SEMA3D: variants seen among roughly 807,000 people sequenced by gnomAD.
SEMA3D encodes the protein semaphorin-3D.
A neutral mutation model predicts 100.1 loss-of-function variants in SEMA3D; 84 were observed. That is an observed-to-expected ratio of 0.84 (90% CI 0.70 to 1.01). The LOEUF is 1.01. Ranked by LOEUF, SEMA3D falls within the 50% of genes least tolerant of loss-of-function variation. The probability of loss-of-function intolerance (pLI) is 0.00; values close to 1 mark genes in which losing one functional copy is unlikely to be tolerated. For synonymous variants in SEMA3D, 312 were observed against 320.7 expected (o/e 0.97, Z 0.29); for missense variants, 875 against 934.1 (o/e 0.94, Z 0.82).
At chr7:85,093,078 G>A (rs1788444331) in intron 4 of SEMA3D, among the ~76,000 whole-genome samples, 1 of 151,748 alleles carries the variant, frequency 6.6e-6, no homozygotes, top group African/African-American at 2.4e-5. Context: ...ACCTCTTTTT[G>A]TTTGGCTGAG....
chr7:85,106,375 C>T (rs1788922366), intron 3 of SEMA3D, among the ~76,000 whole-genome samples: 1 of 151,992 alleles, frequency 6.6e-6, no homozygotes, highest in African/African-American at 2.4e-5. Context: ...CTTAATACAA[C>T]ATCTATTATT....
chr7:85,078,533 A>G (rs1787955080), intron 5 of SEMA3D, among the ~76,000 whole-genome samples: 1 of 152,164 alleles, frequency 6.6e-6, no homozygotes, highest in African/African-American at 2.4e-5. Flanking sequence ...ACCCACAATT[A>G]TATAGTCAGA....
At chr7:85,039,882 A>T (rs1037863710) in intron 11 of SEMA3D, among the ~76,000 whole-genome samples, 1 of 151,894 alleles carries the variant, frequency 6.6e-6, no homozygotes, top group Non-Finnish European at 1.5e-5. Context: ...AATGAACTTA[A>T]CCATTTATCC....
At chr7:85,054,706 G>C (rs1036140852) in intron 9 of SEMA3D, among the ~76,000 whole-genome samples, 1 of 152,062 alleles carries the variant, frequency 6.6e-6, no homozygotes, top group Non-Finnish European at 1.5e-5. Flanking sequence ...AAAGAAAAAC[G>C]TGATAGGTTC....
chr7:85,079,767 T>A (rs893836989), intron 5 of SEMA3D, among the ~76,000 whole-genome samples: 1 of 152,214 alleles, frequency 6.6e-6, no homozygotes, highest in African/African-American at 2.4e-5. Flanking sequence ...TACTCAATAC[T>A]GGTGAAACAC....
intron 1 of SEMA3D, among the ~76,000 whole-genome samples, chr7:85,170,319 G>GA (rs1362874461): frequency 6.6e-6 from 1 of 151,716 alleles, no homozygotes; most frequent in African/African-American, 2.4e-5. Flanking sequence ...CCTTTAGCAG[G>GA]AAAAAAGATC....
intron 3 of SEMA3D, among the ~76,000 whole-genome samples, chr7:85,105,373 C>T (rs944509799): frequency 6.6e-6 from 1 of 151,976 alleles, no homozygotes; most frequent in Non-Finnish European, 1.5e-5. Flanking sequence ...AAAATTAGCT[C>T]ATCTTAACTT....
At chr7:85,020,134 C>A in intron 14 of SEMA3D, 99 bp downstream of exon 14, 1 of 752,266 alleles carries the variant, frequency 1.3e-6, no homozygotes, top group Non-Finnish European at 2.2e-6. Flanking sequence ...TCAAAGGCTT[C>A]TTCAGGTAAC....
intron 2 of SEMA3D, among the ~76,000 whole-genome samples, chr7:85,133,502 C>T (rs908700646): frequency 3.9e-5 from 6 of 151,982 alleles, no homozygotes; most frequent in African/African-American, 1.4e-4. Context: ...ACTAGCGCAA[C>T]GTTCTGAATT....
chr7:85,186,009 C>T (rs1359399148), intron 1 of SEMA3D, among the ~76,000 whole-genome samples: 4 of 152,188 alleles, frequency 2.6e-5, no homozygotes, highest in Non-Finnish European at 5.9e-5. Flanking sequence ...CTCCAACTTT[C>T]CCTCTAAATC....
At chr7:85,028,013 C>T (rs1790438364) in intron 12 of SEMA3D, 1 of 575,858 alleles carries the variant, frequency 1.7e-6, no homozygotes, top group Non-Finnish European at 3.3e-6. Context: ...TTCCAATGAA[C>T]CGTGCCAGCA....
chr7:85,087,844 T>C (rs985745955), intron 4 of SEMA3D, among the ~76,000 whole-genome samples: 2 of 152,190 alleles, frequency 1.3e-5, no homozygotes, highest in African/African-American at 4.8e-5. Context: ...TAAACATATA[T>C]CTGTATATTT....
intron 2 of SEMA3D, among the ~76,000 whole-genome samples, chr7:85,126,375 C>CGTGTGT (rs34641872): frequency 3.2e-4 from 42 of 130,998 alleles, no homozygotes; most frequent in African/African-American, 7.1e-4. Flanking sequence ...GATTCTTTCT[C>CGTGTGT]GTGTGTGTGT....
At chr7:85,045,854 C>T (rs1237762913) in intron 9 of SEMA3D, among the ~76,000 whole-genome samples, 1 of 151,778 alleles carries the variant, frequency 6.6e-6, no homozygotes, top group Non-Finnish European at 1.5e-5. Flanking sequence ...AGTAACGTAT[C>T]TAATCTTTAC....
At chr7:85,047,591 A>G (rs1215265685) in intron 9 of SEMA3D, among the ~76,000 whole-genome samples, 2 of 151,878 alleles carry the variant, frequency 1.3e-5, no homozygotes, top group African/African-American at 4.8e-5. Flanking sequence ...AAATGTAATA[A>G]TTGACTTTCG....
the SEMA3D span, among the ~76,000 whole-genome samples, chr7:85,220,330 C>CT: frequency 4.7e-3 from 631 of 134,906 alleles, 6 homozygotes; most frequent in South Asian, 6.6e-3. Flanking sequence ...TTTCAGGTTC[C>CT]TTTTTTTTTT....
chr7:85,172,747 C>G (rs1228875072), intron 1 of SEMA3D, among the ~76,000 whole-genome samples: 1 of 151,976 alleles, frequency 6.6e-6, no homozygotes, highest in Non-Finnish European at 1.5e-5. Flanking sequence ...CTAGACAGCT[C>G]AAGTAGAGCA....
At chr7:85,013,087 T>C (rs1444614753) in intron 16 of SEMA3D, among the ~76,000 whole-genome samples, 2 of 151,810 alleles carry the variant, frequency 1.3e-5, no homozygotes, top group African/African-American at 4.8e-5. Context: ...TTAACTACGC[T>C]TCTTTTTCTC....
chr7:85,126,305 G>A (rs1195505808), intron 2 of SEMA3D, among the ~76,000 whole-genome samples: 7 of 151,498 alleles, frequency 4.6e-5, no homozygotes, highest in East Asian at 1.9e-4. Flanking sequence ...TTCTATGCAC[G>A]GAACAATGAT....
Sources: gnomAD v4.1 joint callset for allele counts (sites outside exome capture counted in the v4.1 genomes callset) on GRCh38, gnomAD v4.1.1 for gene constraint, MANE v1.5 for transcripts, NCBI Gene and HGNC (gene_info 2026-07-23, HGNC 2026-07-21) for gene names.